The following TAFAZZIN variants were observed in gnomAD, a reference collection of about 807,000 sequenced individuals.
TAFAZZIN encodes the protein protein G4.5.
Under a neutral mutation model 27.3 loss-of-function variants are expected in TAFAZZIN, and 6 were observed. That is an observed-to-expected ratio of 0.22 (90% CI 0.12 to 0.43). TAFAZZIN has a LOEUF of 0.43. TAFAZZIN is among the 20% of genes least tolerant of loss of function. The pLI, the probability that TAFAZZIN is intolerant of heterozygous loss-of-function variation, is 1.00. For missense variants in TAFAZZIN, 127 were observed against 244.5 expected (o/e 0.52, Z 3.21); for synonymous variants, 79 against 96.2 (o/e 0.82, Z 1.04).
Position 154,419,536 on chromosome X carries a change from C to T in TAFAZZIN, c.461-7C>T, listed in dbSNP as rs377500295. 6 of 1,208,921 alleles carry T rather than the reference C, an allele frequency of 5.0e-6. No individual in the cohort carries two copies. The highest frequency in any genetic ancestry group is 6.7e-6 in the Non-Finnish European group (6 of 894,570). On this transcript the variant is annotated splice_polypyrimidine_tract_variant and splice_region_variant and intron_variant, in intron 5 of 10. Transcript: ENST00000601016. ...GTTACTGATAGGGAGAGGCCTTTTC[C>T]TTGCAGGAGATGGCGTCTACCAGAA...
In TAFAZZIN at chrX:154,414,088, C is replaced by G. The variant is rs397515742; in HGVS notation, c.371-13C>G. On this transcript the variant is annotated splice_polypyrimidine_tract_variant and intron_variant, in intron 4 of 10. Transcript: ENST00000601016. ...AGCCAGGATTTGAATCCAGATTGCTCCTTCCTCTGCAGGAGCAGAATTTTT... is the reference window on the plus strand; with the variant it reads ...AGCCAGGATTTGAATCCAGATTGCTGCTTCCTCTGCAGGAGCAGAATTTTT... 8.6e-7 allele frequency: 1 copy of G among 1,160,856 alleles called. No individual in the cohort carries two copies. Among genetic ancestry groups the G allele is most frequent in the Middle Eastern group, 2.5e-4 (1 of 4,054 alleles).
intron 2 of TAFAZZIN, chrX:154,412,732 G>A (rs2068352363): frequency 1.1e-5 from 2 of 187,740 alleles, no homozygotes; most frequent in Non-Finnish European, 2.0e-5. Flanking sequence ...GCCGGGTGGA[G>A]GGGTGCCTGG....
At chrX:154,419,248 C>T (rs1557193688) in intron 5 of TAFAZZIN, 20 of 385,129 alleles carry the variant, frequency 5.2e-5, no homozygotes, top group Non-Finnish European at 1.4e-5. Flanking sequence ...TGCTGCCTGG[C>T]ACATAGGGGT....
At position 154,421,467 on chromosome X, in the gene TAFAZZIN, TC is replaced by T. The variant is rs782716746; in HGVS notation, c.*470del. 2 of 331,635 alleles carry T rather than the reference TC, an allele frequency of 6.0e-6. No homozygotes were observed. Among genetic ancestry groups the T allele is most frequent in the South Asian group, 5.2e-5 (2 of 38,520 alleles). 27.3% of individuals were successfully genotyped at this position (331,635 alleles called of 1,213,427 possible). On this transcript the variant is annotated 3_prime_UTR_variant, in exon 11 of 11. Coordinates refer to ENST00000601016, the MANE Select transcript of TAFAZZIN (RefSeq NM_000116.5). ...GCCACGTCTTCCTTCTGCCTGAGCT[TC>T]CCCCCCACCACAGGCCCTTTCCTCA...
In TAFAZZIN at chrX:154,413,050, G is replaced by C. The variant is rs1223086668; in HGVS notation, c.239-157G>C. 1.0e-5 allele frequency: 7 copies of C among 684,503 alleles called. No individual in the cohort carries two copies. The East Asian group carries it at 2.5e-4, about 24-fold the overall frequency. The allele number at this position is 684,503 out of a possible 1,213,427, so 56.4% of individuals were successfully genotyped here. ...GGGTGGGGGAGAGGGAGGAGCCAGG[G>C]AGAACTGAATGATCTGGCCTAAGGG... On this transcript the variant is annotated intron_variant, in intron 2 of 10. Coordinates refer to ENST00000601016, the MANE Select transcript of TAFAZZIN (RefSeq NM_000116.5).
chrX:154,419,803 G>A, intron 7 of TAFAZZIN, 57 bp downstream of exon 7: 1 of 1,203,773 alleles, frequency 8.3e-7, no homozygotes, highest in African/African-American at 1.7e-5. Flanking sequence ...ATGGCCCTGT[G>A]GGCCCCTGGC....
At position 154,411,808 on chromosome X, in the gene TAFAZZIN, G is replaced by C. The variant is rs782667788; in HGVS notation, c.-36G>C. On this transcript the variant is annotated 5_prime_UTR_variant, in exon 1 of 11. Coordinates refer to ENST00000601016, the MANE Select transcript of TAFAZZIN (RefSeq NM_000116.5). ...CTAGAGGCGCCCCACAGGCCGGCCC[G>C]GGGCGCTGGGAGCGCCGGCCGCGGG... The C allele has an allele frequency of 1.8e-6, 2 of 1,142,560 alleles. No homozygotes were observed. Among genetic ancestry groups the C allele is most frequent in the African/African-American group, 3.6e-5 (2 of 55,853 alleles). The allele number at this position is 1,142,560 out of a possible 1,213,427, so 94.2% of individuals were successfully genotyped here.
At chrX:154,412,003 G>A (rs1468583691) in intron 1 of TAFAZZIN, 51 bp downstream of exon 1, 32 of 1,202,343 alleles carry the variant, frequency 2.7e-5, no homozygotes, top group Non-Finnish European at 3.6e-5. Flanking sequence ...ATGCCCGGCC[G>A]GAGGTGGGAC....
Position 154,411,967 on chromosome X carries a change from G to T in TAFAZZIN, c.109+15G>T. On this transcript the variant is annotated intron_variant, in intron 1 of 10. Coordinates refer to ENST00000601016, the MANE Select transcript of TAFAZZIN (RefSeq NM_000116.5). The stretch of plus-strand genomic sequence containing the variant: ...CTTCTGGACCAGTGAGTGGGCCCAG[G>T]CCGAGGCAGGCCCGCCCGGGTACCC... 8.3e-7 allele frequency: 1 copy of T among 1,200,514 alleles called. No homozygotes were observed. Among genetic ancestry groups the T allele is most frequent in the South Asian group, 1.8e-5 (1 of 55,814 alleles).
rs200909606 is a variant in TAFAZZIN, at chrX:154,420,719, C to T, written c.761C>T (p.Ala254Val). Residue 254 changes from alanine to valine, a missense_variant, in exon 10 of 11, where the codon GCG (alanine) becomes GTG (valine). By Grantham distance (64) the Ala-to-Val change is moderately conservative. Coordinates refer to ENST00000601016, the MANE Select transcript of TAFAZZIN (RefSeq NM_000116.5). ...CTGCCTGTACTCGAGCGGCTCCGGG[C>T]GGAGAACAAGTCGGCTGTGAGTTTC... Reference protein sequence around the residue: ...SALPVLERLRAENKSAVEMRK... With the variant: ...SALPVLERLRVENKSAVEMRK... 5.7e-5 allele frequency: 69 copies of T among 1,209,186 alleles called. No individual in the cohort carries two copies. In the East Asian group the frequency reaches 1.2e-3, roughly 21 times the overall value.
At position 154,411,898 on chromosome X, in the gene TAFAZZIN, C is replaced by A. The variant is rs1327665804; in HGVS notation, c.55C>A (p.Leu19Met). 5.8e-6 allele frequency: 7 copies of A among 1,206,219 alleles called. No individual in the cohort carries two copies. Among genetic ancestry groups the A allele is most frequent in the Non-Finnish European group, 7.8e-6 (7 of 893,873 alleles). ...FPAVPPLTWTLASSVVMGLVG... is the reference protein window; with the variant it reads ...FPAVPPLTWTMASSVVMGLVG... ...CGCGGTGCCGCCGCTCACCTGGACC[C>A]TGGCCAGCAGCGTCGTCATGGGCTT... Residue 19 changes from leucine (L) to methionine (M), a missense_variant, in exon 1 of 11, where the codon CTG becomes ATG. This residue lies in a region of TAFAZZIN where 17 missense variants were observed against 16.2 expected (regional missense o/e 1.05). Coordinates refer to ENST00000601016, the MANE Select transcript of TAFAZZIN (RefSeq NM_000116.5).
rs1557194863 is a variant in TAFAZZIN, at chrX:154,421,469, C to T, written c.*465C>T. Reference sequence around the variant, plus strand: ...CACGTCTTCCTTCTGCCTGAGCTTCCCCCCCACCACAGGCCCTTTCCTCAG... The same window carrying T: ...CACGTCTTCCTTCTGCCTGAGCTTCTCCCCCACCACAGGCCCTTTCCTCAG... On this transcript the variant is annotated 3_prime_UTR_variant, in exon 11 of 11. Transcript: ENST00000601016. The T allele has an allele frequency of 3.0e-6, 1 of 332,308 alleles. No homozygotes were observed. Among genetic ancestry groups the T allele is most frequent in the Non-Finnish European group, 5.8e-6 (1 of 171,528 alleles). The allele number at this position is 332,308 out of a possible 1,213,427, so 27.4% of individuals were successfully genotyped here.
Position 154,419,735 on chromosome X carries a change from G to A in TAFAZZIN, c.572G>A (p.Arg191His), listed in dbSNP as rs876661034. Reference protein sequence around the residue: ...GKVNMSSEFLRFKWGIGRLIA... With the variant: ...GKVNMSSEFLHFKWGIGRLIA... Reference sequence around the variant, plus strand: ...GTGAACATGAGTTCCGAATTCCTGCGTTTCAAGTGGGGTAAGGGCTGCTGG... The same window carrying A: ...GTGAACATGAGTTCCGAATTCCTGCATTTCAAGTGGGGTAAGGGCTGCTGG... Residue 191 changes from arginine to histidine, a missense_variant, in exon 7 of 11, where the codon CGT becomes CAT. Arg to His is a conservative substitution (Grantham distance 29). Transcript: ENST00000601016. The A allele has an allele frequency of 2.5e-6, 3 of 1,212,316 alleles. No individual in the cohort carries two copies. Among genetic ancestry groups the A allele is most frequent in the Non-Finnish European group, 3.3e-6 (3 of 895,597 alleles).
chrX:154,418,619 C>T (rs1327613566), intron 5 of TAFAZZIN: 1 of 112,673 alleles, frequency 8.9e-6, no homozygotes, highest in African/African-American at 3.2e-5. Flanking sequence ...ATTTCCTTCT[C>T]TTGGGTCCAG....
rs782218877 is a variant in TAFAZZIN, at chrX:154,419,616, C to T, written c.534C>T (p.Phe178=). 16 of 1,210,732 alleles carry T rather than the reference C, an allele frequency of 1.3e-5. No individual in the cohort carries two copies. The highest frequency in any genetic ancestry group is 1.8e-5 in the Non-Finnish European group (16 of 895,187). The change falls in exon 6 of 11, where the codon TTC becomes TTT. Residue 178 remains phenylalanine, a synonymous_variant. Transcript: ENST00000601016. ...KLNHGDWVHI[F]PEGKVNMSSE... ...ACCATGGGGACTGGGTGCATATCTTCCCAGAAGGTCAGCAGGGCTGACTGG... is the reference window on the plus strand; with the variant it reads ...ACCATGGGGACTGGGTGCATATCTTTCCAGAAGGTCAGCAGGGCTGACTGG...
intron 2 of TAFAZZIN, chrX:154,412,980 T>C (rs782730253): frequency 8.7e-6 from 4 of 460,968 alleles, no homozygotes; most frequent in African/African-American, 7.2e-5. Flanking sequence ...TCCAAGTATG[T>C]TGGGGAGGTA....
rs1557192041 is a variant in TAFAZZIN at position 154,414,150 on chromosome X, A to G, written c.420A>G (p.Thr140=). 1.7e-6 allele frequency: 2 copies of G among 1,209,908 alleles called. No individual in the cohort carries two copies. Among genetic ancestry groups the G allele is most frequent in the Admixed American group, 4.4e-5 (2 of 45,908 alleles). Residue 140 remains threonine, a synonymous_variant, in exon 5 of 11, where the codon ACA becomes ACG. Coordinates refer to ENST00000601016, the MANE Select transcript of TAFAZZIN (RefSeq NM_000116.5). ...AENEGKGVLD[T]GRHMPGAGKR... is the part of the protein sequence containing the mutation. ...ATGAGGGGAAAGGTGTTCTAGACAC[A>G]GGCAGGCACATGCCAGGTGCTGGAA... is the stretch of plus-strand genomic sequence containing the variant.
intron 5 of TAFAZZIN, among the ~76,000 whole-genome samples, chrX:154,414,707 A>AG (rs2068432086): frequency 1.1e-5 from 1 of 94,607 alleles, no homozygotes; most frequent in Non-Finnish European, 2.1e-5. Context: ...AAAAAAAAAA[A>AG]GTGCCGGCCA....
At chrX:154,420,635 C>A (rs781995935) in intron 9 of TAFAZZIN, 23 bp from the exon 10 acceptor site, 1 of 1,209,499 alleles carries the variant, frequency 8.3e-7, no homozygotes, top group Non-Finnish European at 1.1e-6. Context: ...TGCTCCTCAT[C>A]ACTCTTGGCG....
Sources: allele counts gnomAD v4.1 joint callset (sites outside exome capture counted in the v4.1 genomes callset), GRCh38; gene constraint gnomAD v4.1.1; regional missense constraint gnomAD v4.1.1; transcripts MANE v1.5; gene names NCBI Gene and HGNC (gene_info 2026-07-23, HGNC 2026-07-21).